The following ARIH2 variants were observed in gnomAD, a reference collection of about 807,000 sequenced individuals.
The protein encoded by ARIH2 is ariadne RBR E3 ubiquitin protein ligase 2, also known as E3 ubiquitin-protein ligase ARIH2.
Under a neutral mutation model 79.8 loss-of-function variants are expected in ARIH2, and 12 were observed. That is an observed-to-expected ratio of 0.15 (90% CI 0.10 to 0.24). The LOEUF (loss-of-function observed/expected upper bound fraction) is 0.24. ARIH2 is among the 10% of genes least tolerant of loss of function. The pLI, the probability that ARIH2 is intolerant of heterozygous loss-of-function variation, is 1.00. For missense variants in ARIH2, 301 were observed against 618.3 expected, an observed-to-expected ratio of 0.49 and a Z score of 5.44; for synonymous variants, 224 against 213.9, an observed-to-expected ratio of 1.05 and a Z score of -0.41.
At position 48,934,266 on chromosome 3, in the gene ARIH2, A is replaced by T. The variant is rs146151926; in HGVS notation, c.255+6453A>T. 7.0e-6 allele frequency: 4 copies of T among 568,520 alleles called. No homozygotes were observed. In the African/African-American group the frequency reaches 8.1e-5, roughly 12 times the overall value. 35.2% of individuals were successfully genotyped at this position (568,520 alleles called of 1,614,324 possible). A position where few individuals can be genotyped will look rare whatever the true frequency, so the allele number is the denominator to read the frequency against. ...AATACATTATTTTAGCCATTTTCTT[A>T]ATTGGTACTAAATACTTATATAATG... On this transcript the variant is annotated intron_variant, in intron 3 of 15. Transcript: ENST00000356401.
intron 3 of ARIH2, among the ~76,000 whole-genome samples, chr3:48,954,222 G>A (rs899828147): frequency 2.6e-5 from 4 of 151,960 alleles, no homozygotes; most frequent in Non-Finnish European, 4.4e-5. Context: ...TTGGGAGGCC[G>A]AGGCAGGCGG....
chr3:48,928,510 A>T (rs1489131652), intron 3 of ARIH2, among the ~76,000 whole-genome samples: 1 of 152,148 alleles, frequency 6.6e-6, no homozygotes, highest in Admixed American at 6.6e-5. Flanking sequence ...TCCTTCTCTA[A>T]CACTGGCCAT....
At chr3:48,959,423 A>G (rs1034834726) in intron 3 of ARIH2, among the ~76,000 whole-genome samples, 3 of 151,848 alleles carry the variant, frequency 2.0e-5, no homozygotes, top group African/African-American at 7.2e-5. Context: ...CTCTCTTTTC[A>G]TTTTGTGATA....
intron 7 of ARIH2, 139 bp from the exon 8 acceptor site, chr3:48,970,456 C>G: frequency 3.2e-6 from 2 of 627,564 alleles, no homozygotes; most frequent in African/African-American, 3.6e-5. Context: ...TTGGTCTTCA[C>G]ATCCTTTCTG....
intron 1 of ARIH2, chr3:48,919,320 A>C (rs1425518745): frequency 1.3e-6 from 1 of 799,414 alleles, no homozygotes; most frequent in Non-Finnish European, 1.7e-6. Flanking sequence ...CTCGGGGCTC[A>C]CCACTCGAGT....
intron 3 of ARIH2, chr3:48,934,798 G>A (rs1026615495): frequency 9.1e-6 from 9 of 985,212 alleles, no homozygotes; most frequent in Non-Finnish European, 1.1e-5. Context: ...TATTGTCATC[G>A]CTGTGTACCT....
chr3:48,918,918 T>C lies in ARIH2; in HGVS notation c.-242T>C, dbSNP rs2084293710. ...TCGGCCCGCCGCCTCCGCTGCCGCT[T>C]CGCCCCAATCCGGTCCCTCTGGCCC... On this transcript the variant is annotated 5_prime_UTR_variant, in exon 1 of 16. Coordinates refer to ENST00000356401, the MANE Select transcript of ARIH2 (RefSeq NM_006321.4). 2 of 1,598,896 alleles carry C rather than the reference T, an allele frequency of 1.3e-6. No homozygotes were observed. The highest frequency in any genetic ancestry group is 3.4e-5 in the Admixed American group (2 of 58,772).
chr3:48,951,643 CATT>C (rs2089974946), intron 3 of ARIH2, among the ~76,000 whole-genome samples: 1 of 152,020 alleles, frequency 6.6e-6, no homozygotes, highest in Non-Finnish European at 1.5e-5. Context: ...CATTTTGTGT[CATT>C]GTTGGTAAGT....
At chr3:48,947,965 G>A (rs567380439) in intron 3 of ARIH2, among the ~76,000 whole-genome samples, 1 of 151,432 alleles carries the variant, frequency 6.6e-6, no homozygotes, top group African/African-American at 2.4e-5. Flanking sequence ...TTTTTATTTT[G>A]TTTATTTATT....
At position 48,964,974 on chromosome 3, in the gene ARIH2, T is replaced by C; in HGVS notation, c.379T>C (p.Ser127Pro). 11 of 1,613,292 alleles carry C rather than the reference T, an allele frequency of 6.8e-6. No homozygotes were observed. The highest frequency in any genetic ancestry group is 8.5e-6 in the Non-Finnish European group (10 of 1,179,416). The stretch of plus-strand genomic sequence containing the variant: ...TGAGGCTCGAGTTCAGCCTAATCCA[T>C]CAAAACATGTGAGTGTCTATTACTT... The part of the protein sequence containing the change: ...LVEARVQPNP[S>P]KHVPTSHPPH... Residue 127 changes from serine to proline, a missense_variant, in exon 5 of 16, where the codon TCA (serine) becomes CCA (proline). Coordinates refer to ENST00000356401, the MANE Select transcript of ARIH2 (RefSeq NM_006321.4).
intron 3 of ARIH2, among the ~76,000 whole-genome samples, chr3:48,958,112 C>T (rs1394302416): frequency 6.6e-6 from 1 of 152,090 alleles, no homozygotes; most frequent in Non-Finnish European, 1.5e-5. Flanking sequence ...CACTTGAGAC[C>T]AGGAGTTTGA....
chr3:48,975,855 G>A (rs1434542266), intron 11 of ARIH2, among the ~76,000 whole-genome samples: 1 of 151,550 alleles, frequency 6.6e-6, no homozygotes, highest in Non-Finnish European at 1.5e-5. Context: ...GAGCCACTGT[G>A]CCCGACCGAG....
In ARIH2 at chr3:48,939,034, C is replaced by T. The variant is rs188046406; in HGVS notation, c.255+11221C>T. On this transcript the variant is annotated intron_variant, in intron 3 of 15. Transcript: ENST00000356401. The stretch of plus-strand genomic sequence containing the variant: ...CCAGGCTGGAGTGCAGTGGCGTGAT[C>T]TCAGCTCACTGCAACCTCTGCTTCC... Among the ~76,000 whole-genome samples, 889 of 151,568 alleles carry T rather than the reference C, an allele frequency of 5.9e-3. 3 individuals are homozygous for T. The highest frequency in any genetic ancestry group is 8.8e-3 in the Non-Finnish European group (598 of 67,948).
intron 3 of ARIH2, among the ~76,000 whole-genome samples, chr3:48,937,793 A>C (rs1307704443): frequency 1.3e-5 from 2 of 152,074 alleles, no homozygotes; most frequent in African/African-American, 4.8e-5. Flanking sequence ...CACACGTGTA[A>C]TCCCAGCACT....
intron 3 of ARIH2, among the ~76,000 whole-genome samples, chr3:48,935,619 G>A (rs972784731): frequency 6.6e-6 from 1 of 152,162 alleles, no homozygotes; most frequent in Non-Finnish European, 1.5e-5. Flanking sequence ...AGATAAGTCT[G>A]TCAGCATCTC....
At chr3:48,927,022 G>A (rs928547563) in intron 2 of ARIH2, 9 of 155,726 alleles carry the variant, frequency 5.8e-5, no homozygotes, top group Admixed American at 3.7e-4. Context: ...AGCAGGAAGT[G>A]TTCCTATTTA....
chr3:48,938,001 TGTG>T (rs1278077918), intron 3 of ARIH2, among the ~76,000 whole-genome samples: 1 of 148,330 alleles, frequency 6.7e-6, no homozygotes, highest in Non-Finnish European at 1.5e-5. Flanking sequence ...GAGCCGAGAT[TGTG>T]CCACTGCACT....
intron 3 of ARIH2, among the ~76,000 whole-genome samples, chr3:48,959,357 G>GT (rs917869879): frequency 6.6e-5 from 10 of 151,078 alleles, no homozygotes; most frequent in Non-Finnish European, 3.0e-5. Flanking sequence ...TAAAAAAGCT[G>GT]TTTGTATCAA....
rs2087302593 is a variant in ARIH2 at position 48,937,369 on chromosome 3, C to A, written c.255+9556C>A. On this transcript the variant is annotated intron_variant, in intron 3 of 15. Coordinates refer to ENST00000356401, the MANE Select transcript of ARIH2 (RefSeq NM_006321.4). Reference sequence around the variant, plus strand: ...ATTGTTGGTACCACCATCCACCAACCCGGAAATAGAGGATTGACCCTCTAC... The same window carrying A: ...ATTGTTGGTACCACCATCCACCAACACGGAAATAGAGGATTGACCCTCTAC... Among the ~76,000 whole-genome samples, 4 of 152,034 alleles carry A rather than the reference C, an allele frequency of 2.6e-5. No homozygotes were observed. In the South Asian group the frequency reaches 8.3e-4, roughly 31 times the overall value.
Sources: gnomAD v4.1 joint callset for allele counts (sites outside exome capture counted in the v4.1 genomes callset) on GRCh38, gnomAD v4.1.1 for gene constraint, MANE v1.5 for transcripts, NCBI Gene and HGNC (gene_info 2026-07-23, HGNC 2026-07-21) for gene names.